Variants in SNX6 observed in about 807,000 individuals in gnomAD.
The protein encoded by SNX6 is sorting nexin-6.
Under a neutral mutation model 63.0 loss-of-function variants are expected in SNX6, and 34 were observed. The ratio of observed to expected loss-of-function variants is 0.54; its 90% CI spans 0.41 to 0.72. SNX6 has a LOEUF of 0.72. Among genes scored for constraint, SNX6 ranks in the 30% least tolerant of loss-of-function variants. The probability of loss-of-function intolerance (pLI) is 0.00; values close to 1 mark genes in which losing one functional copy is unlikely to be tolerated. For synonymous variants in SNX6, 170 were observed against 164.2 expected (o/e 1.04, Z -0.27); for missense variants, 398 against 471.4 (o/e 0.84, Z 1.44).
At chr14:34,563,980 C>T (rs1398191655) in intron 13 of SNX6, among the ~76,000 whole-genome samples, 1 of 152,036 alleles carries the variant, frequency 6.6e-6, no homozygotes, top group African/African-American at 2.4e-5. Context: ...CTCAGGTGAT[C>T]CGCCTACCTC....
At chr14:34,606,206 T>C (rs550221687) in intron 4 of SNX6, among the ~76,000 whole-genome samples, 2 of 151,728 alleles carry the variant, frequency 1.3e-5, no homozygotes, top group South Asian at 4.2e-4. Flanking sequence ...CTTTTTTTTT[T>C]TTTTTTTGGA....
chr14:34,630,133 G>C lies in SNX6; in HGVS notation c.-17C>G. On this transcript the variant is annotated 5_prime_UTR_variant, in exon 1 of 14. Coordinates refer to ENST00000362031, the MANE Select transcript of SNX6 (RefSeq NM_152233.4). ...CACCATCATGGCTGCTCCGAGGCGA[G>C]GGCCGGCGCAGGCGCGCATCTCCCT... 7.5e-7 allele frequency: 1 copy of C among 1,329,140 alleles called. No individual in the cohort carries two copies. The highest frequency in any genetic ancestry group is 2.0e-5 in the South Asian group (1 of 49,256). 82.3% of individuals were successfully genotyped at this position (1,329,140 alleles called of 1,614,324 possible). A position where few individuals can be genotyped will look rare whatever the true frequency, so the allele number is the denominator to read the frequency against.
At position 34,562,990 on chromosome 14, in the gene SNX6, AAG is replaced by A. The variant is rs1470523702; in HGVS notation, c.*130_*131del. Reference sequence around the variant, plus strand: ...TGCGCTGCTCCATGTTTCTCAGAAAAAGAGGAGTTGATGCACTTTTTCAGCTG... The same window carrying A: ...TGCGCTGCTCCATGTTTCTCAGAAAAAGGAGTTGATGCACTTTTTCAGCTG... On this transcript the variant is annotated 3_prime_UTR_variant, in exon 14 of 14. Coordinates refer to ENST00000362031, the MANE Select transcript of SNX6 (RefSeq NM_152233.4). The A allele has an allele frequency of 7.0e-6, 6 of 851,846 alleles. No individual in the cohort carries two copies. Among genetic ancestry groups the A allele is most frequent in the Non-Finnish European group, 1.1e-5 (6 of 528,574 alleles). 52.8% of individuals were successfully genotyped at this position (851,846 alleles called of 1,614,324 possible).
At chr14:34,577,259 A>AT (rs149346254) in intron 10 of SNX6, among the ~76,000 whole-genome samples, 118 of 149,268 alleles carry the variant, frequency 7.9e-4, no homozygotes, top group Middle Eastern at 3.5e-3. Context: ...ATTTTTTTGT[A>AT]TTTTTTTTTA....
chr14:34,565,011 A>G (rs2138252986), intron 13 of SNX6, among the ~76,000 whole-genome samples: 1 of 152,074 alleles, frequency 6.6e-6, no homozygotes, highest in South Asian at 2.1e-4. Context: ...CTGCGTTCCA[A>G]TAAAATTTTA....
chr14:34,569,112 T>C (rs1481591171), intron 11 of SNX6: 1 of 922,132 alleles, frequency 1.1e-6, no homozygotes, highest in Non-Finnish European at 1.8e-6. Context: ...TCACATCTTT[T>C]ACAGTAACTC....
intron 8 of SNX6, among the ~76,000 whole-genome samples, chr14:34,592,028 G>A (rs984121345): frequency 2.6e-5 from 4 of 152,162 alleles, no homozygotes; most frequent in Admixed American, 6.6e-5. Context: ...ATACCCAAGG[G>A]TAGAGATTAC....
rs776310854 is a variant in SNX6, at chr14:34,610,471, CAAT to C, written c.55-732_55-730del. Among the ~76,000 whole-genome samples the C allele has an allele frequency of 3.1e-4, 47 of 150,900 alleles. 1 individual carries two copies. Among genetic ancestry groups the C allele is most frequent in the African/African-American group, 1.1e-3 (46 of 41,046 alleles). ...TAAGGAATGTGTCTGCCTTGAAGCA[CAAT>C]AATAAGAAGACTATCAAGCAACAAT... On this transcript the variant is annotated intron_variant, in intron 2 of 13. Transcript: ENST00000362031.
Position 34,562,179 on chromosome 14 carries a change from T to C in SNX6, c.*943A>G, listed in dbSNP as rs928328133. 4 of 151,582 alleles carry C rather than the reference T, an allele frequency of 2.6e-5. No homozygotes were observed. Among genetic ancestry groups the C allele is most frequent in the Non-Finnish European group, 5.9e-5 (4 of 67,962 alleles). The allele number at this position is 151,582 out of a possible 1,614,324, so 9.4% of individuals were successfully genotyped here. On this transcript the variant is annotated 3_prime_UTR_variant, in exon 14 of 14. Transcript: ENST00000362031. ...AAGTGGCTCAATGGCCTATGTCTCATGCTTAATTGGCTGAGCTAGGCGCGG... is the reference window on the plus strand; with the variant it reads ...AAGTGGCTCAATGGCCTATGTCTCACGCTTAATTGGCTGAGCTAGGCGCGG...
At chr14:34,623,744 T>C (rs1883715642) in intron 2 of SNX6, among the ~76,000 whole-genome samples, 2 of 152,188 alleles carry the variant, frequency 1.3e-5, no homozygotes, top group African/African-American at 4.8e-5. Context: ...AGTGATGCTA[T>C]TAATGAAGAT....
intron 5 of SNX6, chr14:34,604,199 G>A: frequency 7.8e-7 from 1 of 1,288,724 alleles, no homozygotes; most frequent in Non-Finnish European, 1.0e-6. Context: ...ATTCAGTGAA[G>A]ACAAAAAAGA....
chr14:34,610,246 T>C (rs1246060182), intron 2 of SNX6, among the ~76,000 whole-genome samples: 1 of 147,162 alleles, frequency 6.8e-6, no homozygotes, highest in Non-Finnish European at 1.5e-5. Flanking sequence ...GTGGTCTCAG[T>C]ACACAGGAGG....
At chr14:34,606,571 G>A (rs1019664023) in intron 4 of SNX6, among the ~76,000 whole-genome samples, 7 of 150,688 alleles carry the variant, frequency 4.6e-5, no homozygotes, top group Non-Finnish European at 1.0e-4. Context: ...TCCTGCCTCC[G>A]CCTCCCGAGT....
chr14:34,599,994 A>G (rs898893134), intron 6 of SNX6, among the ~76,000 whole-genome samples: 15 of 152,142 alleles, frequency 9.9e-5, no homozygotes, highest in African/African-American at 3.4e-4. Context: ...CTCTCCAGTA[A>G]AAGTCTTCAT....
At chr14:34,577,752 T>A (rs1881767090) in intron 10 of SNX6, among the ~76,000 whole-genome samples, 1 of 152,188 alleles carries the variant, frequency 6.6e-6, no homozygotes, top group African/African-American at 2.4e-5. Context: ...TGGGAAAATG[T>A]ACATACTGGA....
chr14:34,617,581 C>A (rs141516492), intron 2 of SNX6, among the ~76,000 whole-genome samples: 1 of 139,622 alleles, frequency 7.2e-6, no homozygotes, highest in African/African-American at 2.7e-5. Context: ...GCATTCCAGC[C>A]TGGGTGACAG....
chr14:34,605,645 C>T lies in SNX6; in HGVS notation c.343G>A (p.Gly115Arg). ...EKLQKLGEGE[G>R]SMTKEEFTKM... is the part of the protein sequence containing the mutation. ...GTGAATTCTTCCTTCGTCATTGACC[C>T]TTCTCCTTCACCAAGCTTCTGTAGT... Residue 115 changes from glycine (G) to arginine (R), a missense_variant, in exon 5 of 14, where the codon GGG (glycine) becomes AGG (arginine). Coordinates refer to ENST00000362031, the MANE Select transcript of SNX6 (RefSeq NM_152233.4). 1 of 1,610,154 alleles carries T rather than the reference C, an allele frequency of 6.2e-7. No individual in the cohort carries two copies.
intron 11 of SNX6, among the ~76,000 whole-genome samples, chr14:34,571,794 A>G (rs1881464087): frequency 6.6e-6 from 1 of 152,184 alleles, no homozygotes; most frequent in African/African-American, 2.4e-5. Flanking sequence ...TTGCGTTGTC[A>G]ATTTTCAGCT....
At chr14:34,567,578 G>C (rs1008079739) in intron 13 of SNX6, 108 bp downstream of exon 13, 54 of 804,936 alleles carry the variant, frequency 6.7e-5, no homozygotes, top group Middle Eastern at 2.7e-4. Flanking sequence ...AGGAATAGTT[G>C]TCACAGTATC....
Sources: gnomAD v4.1 joint callset for allele counts (sites outside exome capture counted in the v4.1 genomes callset) on GRCh38, gnomAD v4.1.1 for gene constraint, MANE v1.5 for transcripts, NCBI Gene and HGNC (gene_info 2026-07-23, HGNC 2026-07-21) for gene names.